Variants in FRMPD3 observed in about 807,000 individuals in gnomAD.
FRMPD3 encodes FERM and PDZ domain containing 3, also known as FERM and PDZ domain-containing protein 3.
FRMPD3 carries 42 observed loss-of-function variants against 97.9 expected under a neutral mutation model. The observed-to-expected ratio is 0.43, with a 90% CI of 0.34 to 0.55. The LOEUF (loss-of-function observed/expected upper bound fraction) is 0.55. Among genes scored for constraint, FRMPD3 ranks in the 20% least tolerant of loss-of-function variants. FRMPD3 has a pLI of 0.03. For synonymous variants in FRMPD3, 577 were observed against 581.1 expected (o/e 0.99, Z 0.10); for missense variants, 1,303 against 1,457.7 (o/e 0.89, Z 1.73).
At chrX:107,529,614 T>A (rs1394488257) in intron 2 of FRMPD3, among the ~76,000 whole-genome samples, 1 of 109,913 alleles carries the variant, frequency 9.1e-6, no homozygotes, top group Non-Finnish European at 1.9e-5. Flanking sequence ...AGAAAAGAAA[T>A]GGGAGGGAGA....
At chrX:107,465,822 G>A (rs1262496046) in intron 1 of FRMPD3, among the ~76,000 whole-genome samples, 4 of 109,761 alleles carry the variant, frequency 3.6e-5, no homozygotes, top group Non-Finnish European at 7.6e-5. Flanking sequence ...TAAGTTATCT[G>A]AGAGGGAAAA....
Position 107,604,394 on chromosome X carries a change from A to G in FRMPD3, c.*1021A>G, listed in dbSNP as rs1243086748. The G allele has an allele frequency of 2.7e-5, 3 of 109,166 alleles. No homozygotes were observed. The East Asian group carries it at 8.8e-4, about 32-fold the overall frequency. 9.0% of individuals were successfully genotyped at this position (109,166 alleles called of 1,213,427 possible). A position where few individuals can be genotyped will look rare whatever the true frequency, so the allele number is the denominator to read the frequency against. On this transcript the variant is annotated 3_prime_UTR_variant, in exon 15 of 15. Transcript: ENST00000683843. Reference sequence around the variant, plus strand: ...CCTGAGTATATGCTTTTGGCTGTGTATTGACCCTGTGGATTTGTCTCTCTA... The same window carrying G: ...CCTGAGTATATGCTTTTGGCTGTGTGTTGACCCTGTGGATTTGTCTCTCTA...
intron 1 of FRMPD3, among the ~76,000 whole-genome samples, chrX:107,463,181 T>G (rs1931505746): frequency 8.9e-6 from 1 of 112,585 alleles, no homozygotes; most frequent in South Asian, 3.7e-4. Context: ...TATTTCCCAT[T>G]TGGGTTTTAT....
chrX:107,541,732 T>C (rs1270091294), intron 4 of FRMPD3, among the ~76,000 whole-genome samples: 1 of 111,542 alleles, frequency 9.0e-6, no homozygotes, highest in Non-Finnish European at 1.9e-5. Flanking sequence ...TTTGTTTGAG[T>C]CCATTACATA....
At chrX:107,510,950 C>T (rs1039501954) in intron 1 of FRMPD3, among the ~76,000 whole-genome samples, 4 of 112,417 alleles carry the variant, frequency 3.6e-5, no homozygotes, top group African/African-American at 1.3e-4. Flanking sequence ...AACTGCTGGG[C>T]GTAAGTCCTT....
At position 107,556,306 on chromosome X, in the gene FRMPD3, A is replaced by AT. The variant is rs1279757811; in HGVS notation, c.762+1814dup. Reference sequence around the variant, plus strand: ...TGTGAATTTTGTAAGTTTAGTTCTCATTTTTTTTTTTTGCCCTGAATTTCT... The same window carrying AT: ...TGTGAATTTTGTAAGTTTAGTTCTCATTTTTTTTTTTTTGCCCTGAATTTCT... On this transcript the variant is annotated intron_variant, in intron 8 of 14. Transcript: ENST00000683843. Among the ~76,000 whole-genome samples the AT allele has an allele frequency of 4.5e-3, 454 of 100,499 alleles. 4 individuals are homozygous for AT. The highest frequency in any genetic ancestry group is 0.013 in the African/African-American group (356 of 27,808). The allele number at this position is 100,499 out of a possible 115,157, so 87.3% of individuals were successfully genotyped here.
chrX:107,532,592 C>G (rs948074612), intron 3 of FRMPD3, among the ~76,000 whole-genome samples: 7 of 112,152 alleles, frequency 6.2e-5, no homozygotes, highest in South Asian at 3.7e-4. Context: ...GAGAATAACT[C>G]TTTACTTCTG....
chrX:107,547,169 C>T (rs960824591), intron 5 of FRMPD3, among the ~76,000 whole-genome samples: 18 of 111,650 alleles, frequency 1.6e-4, no homozygotes, highest in African/African-American at 5.5e-4. Flanking sequence ...AAACAGACCC[C>T]GAGGTCCAAG....
chrX:107,486,491 A>G (rs887110583), intron 1 of FRMPD3, among the ~76,000 whole-genome samples: 2 of 112,604 alleles, frequency 1.8e-5, no homozygotes, highest in Non-Finnish European at 3.7e-5. Flanking sequence ...TGTTATATTT[A>G]GGTCTTTGGT....
chrX:107,551,230 A>T (rs1921850125), intron 6 of FRMPD3, among the ~76,000 whole-genome samples: 2 of 111,277 alleles, frequency 1.8e-5, no homozygotes, highest in African/African-American at 6.5e-5. Context: ...TGAAAGGCTT[A>T]GGCCTAGGTG....
rs189000424 is a variant in FRMPD3, at chrX:107,585,008, G to A, written c.1441+8549G>A. On this transcript the variant is annotated intron_variant, in intron 13 of 14. Coordinates refer to ENST00000683843, the MANE Select transcript of FRMPD3 (RefSeq NM_001388459.1). Reference sequence around the variant, plus strand: ...CATCAATGGTAGTTTGATGGGAATAGCATTGAATCTATAAATTACTTTGAT... The same window carrying A: ...CATCAATGGTAGTTTGATGGGAATAACATTGAATCTATAAATTACTTTGAT... Among the ~76,000 whole-genome samples the A allele has an allele frequency of 2.9e-4, 33 of 112,061 alleles. No homozygotes were observed. The East Asian group carries it at 8.9e-3, about 30-fold the overall frequency.
chrX:107,496,766 GACTC>G lies in FRMPD3; in HGVS notation c.-7-29814_-7-29811del, dbSNP rs750711105. On this transcript the variant is annotated intron_variant, in intron 1 of 14. Coordinates refer to ENST00000683843, the MANE Select transcript of FRMPD3 (RefSeq NM_001388459.1). ...GCAGCTCTCCCCTACCCTCAGTGAA[GACTC>G]AACAAAGCTGTTCTATGGGGCTGCA... Among the ~76,000 whole-genome samples the G allele has an allele frequency of 2.1e-4, 23 of 111,599 alleles. 1 individual carries two copies. The South Asian group carries it at 8.5e-3, about 41-fold the overall frequency.
At chrX:107,553,798 T>C (rs1432820902) in intron 7 of FRMPD3, among the ~76,000 whole-genome samples, 1 of 111,542 alleles carries the variant, frequency 9.0e-6, no homozygotes, top group Non-Finnish European at 1.9e-5. Flanking sequence ...AAGCAACCCT[T>C]TGAATTCAGT....
At chrX:107,517,883 T>A (rs920875055) in intron 1 of FRMPD3, among the ~76,000 whole-genome samples, 1 of 101,220 alleles carries the variant, frequency 9.9e-6, no homozygotes, top group South Asian at 4.6e-4. Context: ...CCAGACAGAA[T>A]TGAGAGCATA....
At chrX:107,589,348 C>G (rs755944054) in intron 13 of FRMPD3, among the ~76,000 whole-genome samples, 1 of 111,084 alleles carries the variant, frequency 9.0e-6, no homozygotes, top group East Asian at 2.8e-4. Flanking sequence ...TCAGGTCCCT[C>G]TTCCGTACGG....
chrX:107,532,326 A>G (rs1205254299), intron 3 of FRMPD3, among the ~76,000 whole-genome samples: 1 of 112,420 alleles, frequency 8.9e-6, no homozygotes, highest in Non-Finnish European at 1.9e-5. Flanking sequence ...AAAGGCCCTA[A>G]GGCCAGGAGT....
intron 1 of FRMPD3, among the ~76,000 whole-genome samples, chrX:107,488,903 T>A (rs1346553831): frequency 4.6e-5 from 5 of 109,160 alleles, no homozygotes; most frequent in African/African-American, 1.7e-4. Context: ...GTTACATATG[T>A]ATACATGTGC....
chrX:107,527,709 C>G (rs776870479), intron 2 of FRMPD3, among the ~76,000 whole-genome samples: 2 of 112,393 alleles, frequency 1.8e-5, no homozygotes, highest in Admixed American at 9.4e-5. Flanking sequence ...CAGTTTCTCG[C>G]TCAGTCAAGA....
intron 1 of FRMPD3, among the ~76,000 whole-genome samples, chrX:107,485,961 G>A (rs1203754886): frequency 8.9e-6 from 1 of 112,000 alleles, no homozygotes; most frequent in Non-Finnish European, 1.9e-5. Flanking sequence ...CCTGCAATCG[G>A]CCATTCTCTG....
Sources: allele counts gnomAD v4.1 joint callset (sites outside exome capture counted in the v4.1 genomes callset), GRCh38; gene constraint gnomAD v4.1.1; transcripts MANE v1.5; gene names NCBI Gene and HGNC (gene_info 2026-07-23, HGNC 2026-07-21).